ATP1B4: variants seen among roughly 807,000 people sequenced by gnomAD.
ATP1B4 encodes ATPase Na+/K+ transporting family member beta 4.
A neutral mutation model predicts 29.6 loss-of-function variants in ATP1B4; 32 were observed. The observed-to-expected ratio is 1.08, with a 90% CI of 0.82 to 1.45. The LOEUF is 1.45. Among genes scored for constraint, ATP1B4 ranks in the 40% most tolerant of loss-of-function variants. The pLI is 0.00. For synonymous variants in ATP1B4, 127 were observed against 102.1 expected (o/e 1.24, Z -1.47); for missense variants, 323 against 276.2 (o/e 1.17, Z -1.20).
At chrX:120,378,526 G>A (rs181109668) in intron 6 of ATP1B4, 152 bp from the exon 7 acceptor site, 26 of 512,752 alleles carry the variant, frequency 5.1e-5, no homozygotes, top group South Asian at 1.1e-4. Context: ...GACAGGTCAC[G>A]GCTGAGCTCT....
At chrX:120,369,428 A>G (rs1428765892) in intron 2 of ATP1B4, among the ~76,000 whole-genome samples, 2 of 111,840 alleles carry the variant, frequency 1.8e-5, no homozygotes, top group African/African-American at 6.5e-5. Flanking sequence ...TTTTTGGTTA[A>G]TTTTATTTGG....
rs2058376129 is a variant in ATP1B4, at chrX:120,380,290, C to T, written c.*656C>T. On this transcript the variant is annotated 3_prime_UTR_variant, in exon 8 of 8. Coordinates refer to ENST00000218008, the MANE Select transcript of ATP1B4 (RefSeq NM_001142447.3). ...CACCACTCGGTCCAACCTAGACAACCAAGACCGCTATACCTAAAGACCTCT... is the reference window on the plus strand; with the variant it reads ...CACCACTCGGTCCAACCTAGACAACTAAGACCGCTATACCTAAAGACCTCT... The T allele has an allele frequency of 1.8e-5, 2 of 111,366 alleles. No homozygotes were observed. Among genetic ancestry groups the T allele is most frequent in the African/African-American group, 6.5e-5 (2 of 30,567 alleles). 9.2% of individuals were successfully genotyped at this position (111,366 alleles called of 1,213,427 possible).
intron 1 of ATP1B4, among the ~76,000 whole-genome samples, chrX:120,365,003 C>A (rs2058278671): frequency 8.9e-6 from 1 of 112,026 alleles, no homozygotes; most frequent in African/African-American, 3.2e-5. Context: ...CAGGCTTGAG[C>A]CCTAAAATCG....
chrX:120,368,235 G>A (rs1272584662), intron 2 of ATP1B4, among the ~76,000 whole-genome samples: 3 of 111,732 alleles, frequency 2.7e-5, no homozygotes, highest in African/African-American at 9.8e-5. Context: ...CCTCTGAGTA[G>A]CAGATCTAAG....
At chrX:120,377,661 T>G (rs1329077960) in intron 6 of ATP1B4, among the ~76,000 whole-genome samples, 1 of 112,257 alleles carries the variant, frequency 8.9e-6, no homozygotes, top group Non-Finnish European at 1.9e-5. Flanking sequence ...AGAACTGTCC[T>G]TTCTAAAATT....
At chrX:120,379,330 T>G in intron 7 of ATP1B4, 143 bp from the exon 8 acceptor site, 1 of 494,865 alleles carries the variant, frequency 2.0e-6, no homozygotes, top group Non-Finnish European at 3.4e-6. Context: ...GGAGAGTATG[T>G]CTGTTGCTTT....
chrX:120,370,933 T>C (rs776753311), intron 3 of ATP1B4, 90 bp downstream of exon 3: 2 of 1,095,390 alleles, frequency 1.8e-6, no homozygotes, highest in East Asian at 6.0e-5. Flanking sequence ...ACTTTGGCTC[T>C]TCCTGGTAAT....
In ATP1B4 at chrX:120,379,479, T is replaced by A; in HGVS notation, c.919T>A (p.Tyr307Asn). 1 of 1,205,356 alleles carries A rather than the reference T, an allele frequency of 8.3e-7. No homozygotes were observed. Among genetic ancestry groups the A allele is most frequent in the Non-Finnish European group, 1.1e-6 (1 of 892,972 alleles). ...PYYGKLTHVN[Y>N]TSPLVAMHFT... Reference sequence around the variant, plus strand: ...ATTTTTCTTCTACCTGCAGGTTAACTACACATCCCCCTTGGTGGCAATGCA... The same window carrying A: ...ATTTTTCTTCTACCTGCAGGTTAACAACACATCCCCCTTGGTGGCAATGCA... The change falls in exon 8 of 8, where the codon TAC becomes AAC. Residue 307 changes from tyrosine (Y) to asparagine (N), a missense_variant. By Grantham distance (143) the Tyr-to-Asn change is moderately radical. Transcript: ENST00000218008.
intron 2 of ATP1B4, among the ~76,000 whole-genome samples, chrX:120,370,137 T>C (rs942558953): frequency 2.7e-5 from 3 of 111,921 alleles, no homozygotes; most frequent in Non-Finnish European, 3.8e-5. Flanking sequence ...GTTAGTGTTC[T>C]TTTTGAAAAG....
intron 1 of ATP1B4, among the ~76,000 whole-genome samples, chrX:120,364,543 G>T (rs1025540080): frequency 2.7e-5 from 3 of 111,722 alleles, no homozygotes; most frequent in Non-Finnish European, 5.6e-5. Context: ...CCCTCTGGGT[G>T]CTCAAAATGT....
At chrX:120,368,994 C>T (rs1377177981) in intron 2 of ATP1B4, among the ~76,000 whole-genome samples, 1 of 111,730 alleles carries the variant, frequency 9.0e-6, no homozygotes, top group African/African-American at 3.3e-5. Flanking sequence ...GCGCCCACTC[C>T]TGGGTGAGGC....
At chrX:120,365,918 A>G (rs1256295302) in intron 1 of ATP1B4, among the ~76,000 whole-genome samples, 2 of 111,875 alleles carry the variant, frequency 1.8e-5, no homozygotes, top group African/African-American at 3.3e-5. Context: ...AAGAGATTCA[A>G]ACTAGGGCAA....
chrX:120,378,670 G>C lies in ATP1B4; in HGVS notation c.817-8G>C, dbSNP rs776312544. Reference sequence around the variant, plus strand: ...CAGCACCCCACATATACCTGCTTTTGCTTACAGAGAGGTGATGAAAATGAC... The same window carrying C: ...CAGCACCCCACATATACCTGCTTTTCCTTACAGAGAGGTGATGAAAATGAC... On this transcript the variant is annotated splice_polypyrimidine_tract_variant and splice_region_variant and intron_variant, in intron 6 of 7. Coordinates refer to ENST00000218008, the MANE Select transcript of ATP1B4 (RefSeq NM_001142447.3). The C allele has an allele frequency of 2.5e-6, 3 of 1,206,767 alleles. No homozygotes were observed. The highest frequency in any genetic ancestry group is 3.5e-5 in the South Asian group (2 of 56,842).
rs3810745 is a variant in ATP1B4 at position 120,380,837 on chromosome X, T to G, written c.*1203T>G. The G allele has an allele frequency of 0.36, 40,198 of 111,260 alleles. 5,264 individuals are homozygous for G. The highest frequency in any genetic ancestry group is 0.43 in the African/African-American group (13,189 of 30,446). The allele number at this position is 111,260 out of a possible 1,213,427, so 9.2% of individuals were successfully genotyped here. A position where few individuals can be genotyped will look rare whatever the true frequency, so the allele number is the denominator to read the frequency against. On this transcript the variant is annotated 3_prime_UTR_variant, in exon 8 of 8. Coordinates refer to ENST00000218008, the MANE Select transcript of ATP1B4 (RefSeq NM_001142447.3). ...ACTTTAAAAATGACATGAGGCAGAT[T>G]CTTATCCAGGATGTGGATCAGCCAG...
Position 120,380,680 on chromosome X carries a change from G to T in ATP1B4, c.*1046G>T, listed in dbSNP as rs1408082730. On this transcript the variant is annotated 3_prime_UTR_variant, in exon 8 of 8. Coordinates refer to ENST00000218008, the MANE Select transcript of ATP1B4 (RefSeq NM_001142447.3). Reference sequence around the variant, plus strand: ...AGCATGATGTTTTTTGAGACCATCAGGGGTGGTTACATAGACCAGCAGCTA... The same window carrying T: ...AGCATGATGTTTTTTGAGACCATCATGGGTGGTTACATAGACCAGCAGCTA... The T allele has an allele frequency of 8.9e-6, 1 of 112,259 alleles. No homozygotes were observed. The highest frequency in any genetic ancestry group is 1.9e-5 in the Non-Finnish European group (1 of 53,257). The allele number at this position is 112,259 out of a possible 1,213,427, so 9.3% of individuals were successfully genotyped here. A position where few individuals can be genotyped will look rare whatever the true frequency, so the allele number is the denominator to read the frequency against.
In ATP1B4 at chrX:120,376,462, T is replaced by C. The variant is rs374689977; in HGVS notation, c.816+26T>C. 73 of 1,162,882 alleles carry C rather than the reference T, an allele frequency of 6.3e-5. 1 individual carries two copies. The African/African-American group carries it at 1.1e-3, about 18-fold the overall frequency. On this transcript the variant is annotated intron_variant, in intron 6 of 7. Transcript: ENST00000218008. ...GTAAAGAGTCCTTTTGAGTAAGCAT[T>C]GTTAGCACATCTGTTTCATGCAAAA...
intron 2 of ATP1B4, among the ~76,000 whole-genome samples, chrX:120,369,391 GT>G (rs749660013): frequency 3.6e-5 from 4 of 111,707 alleles, no homozygotes; most frequent in African/African-American, 1.3e-4. Context: ...ATTACTATGG[GT>G]TTTTTTTCTC....
intron 2 of ATP1B4, 37 bp from the exon 3 acceptor site, chrX:120,370,678 C>A: frequency 8.3e-7 from 1 of 1,203,226 alleles, no homozygotes; most frequent in Non-Finnish European, 1.1e-6. Flanking sequence ...AGCTTGTTGG[C>A]AAGCACTGAC....
chrX:120,366,483 A>C, intron 1 of ATP1B4, 42 bp from the exon 2 acceptor site: 1 of 1,170,079 alleles, frequency 8.5e-7, no homozygotes, highest in Non-Finnish European at 1.1e-6. Flanking sequence ...ACCATTGTAC[A>C]TTTTTTTTCA....
Sources: gnomAD v4.1 joint callset for allele counts (sites outside exome capture counted in the v4.1 genomes callset) on GRCh38, gnomAD v4.1.1 for gene constraint, MANE v1.5 for transcripts, NCBI Gene and HGNC (gene_info 2026-07-23, HGNC 2026-07-21) for gene names.